GRIN3B: variants seen among roughly 807,000 people sequenced by gnomAD.
GRIN3B encodes glutamate ionotropic receptor NMDA type subunit 3B.
GRIN3B carries 77 observed loss-of-function variants against 66.0 expected under a neutral mutation model. The ratio of observed to expected loss-of-function variants is 1.17; its 90% CI spans 0.97 to 1.41. GRIN3B has a LOEUF of 1.41. Ranked by LOEUF, GRIN3B falls within the 40% of genes most tolerant of loss-of-function variation. The pLI, the probability that GRIN3B is intolerant of heterozygous loss-of-function variation, is 0.00. For missense variants in GRIN3B, 1,787 were observed against 1,564.5 expected (o/e 1.14, Z -2.40); for synonymous variants, 823 against 749.7 (o/e 1.10, Z -1.60).
chr19:1,008,365 C>G, intron 6 of GRIN3B, 74 bp downstream of exon 6: 2 of 1,334,392 alleles, frequency 1.5e-6, no homozygotes, highest in Non-Finnish European at 2.1e-6. Flanking sequence ...CTGAAGTGAC[C>G]AACCCCAGTG....
In GRIN3B at chr19:1,009,159, G is replaced by A. The variant is rs1365688033; in HGVS notation, c.2703-14G>A. ...TGCCCCGGCGGACACTGACCAGGCC[G>A]GTTCCGTCCCCAGCGGCCCCGAGGT... On this transcript the variant is annotated splice_polypyrimidine_tract_variant and intron_variant, in intron 8 of 8. Coordinates refer to ENST00000234389, the MANE Select transcript of GRIN3B (RefSeq NM_138690.3). 1.4e-5 allele frequency: 20 copies of A among 1,456,064 alleles called. No homozygotes were observed. The South Asian group carries it at 2.3e-4, about 16-fold the overall frequency. 90.2% of individuals were successfully genotyped at this position (1,456,064 alleles called of 1,614,324 possible).
rs568295833 is a variant in GRIN3B at position 1,005,508 on chromosome 19, C to T, written c.2007C>T (p.Val669=). 35 of 1,612,590 alleles carry T rather than the reference C, an allele frequency of 2.2e-5. No homozygotes were observed. The highest frequency in any genetic ancestry group is 1.3e-4 in the South Asian group (12 of 91,008). The change falls in exon 3 of 9, where the codon GTC becomes GTT. Residue 669 remains valine (V), a synonymous_variant. Coordinates refer to ENST00000234389, the MANE Select transcript of GRIN3B (RefSeq NM_138690.3). This position sits in a 1 kb window ranked among gnomAD's most constrained non-coding sequence, Gnocchi z 5.2. ...CGGCCAACCTGGCTGCCGTCATGGT[C>T]GGGGACAAGACCTTCGAGGAGCTGT... The part of the protein sequence containing the change: ...SYTANLAAVM[V]GDKTFEELSG...
At chr19:1,006,723 C>T (rs2038752963) in intron 3 of GRIN3B, among the ~76,000 whole-genome samples, 1 of 152,176 alleles carries the variant, frequency 6.6e-6, no homozygotes, top group Admixed American at 6.5e-5. Flanking sequence ...CCTGGTGTCC[C>T]CTGTGAAACG....
Position 1,008,795 on chromosome 19 carries a change from TGGGCGGCGGGC to T in GRIN3B, c.2631+16_2631+26del. 10 of 1,596,308 alleles carry T rather than the reference TGGGCGGCGGGC, an allele frequency of 6.3e-6. 1 individual carries two copies. Among genetic ancestry groups the T allele is most frequent in the Non-Finnish European group, 8.5e-6 (10 of 1,172,466 alleles). On this transcript the variant is annotated intron_variant, in intron 7 of 8. Coordinates refer to ENST00000234389, the MANE Select transcript of GRIN3B (RefSeq NM_138690.3). ...GCACACCAGCCAGGTGGGGAGCGGG[TGGGCGGCGGGC>T]GGCCCCACCCCCCCCGCCTCCTCGC...
intron 1 of GRIN3B, 37 bp from the exon 2 acceptor site, chr19:1,003,093 A>C: frequency 5.2e-6 from 7 of 1,349,526 alleles, no homozygotes; most frequent in Non-Finnish European, 5.8e-6. Flanking sequence ...GTGGGGGTGG[A>C]GGTCGTCAAC....
rs1393786113 is a variant in GRIN3B at position 1,007,574 on chromosome 19, A to G, written c.2053-54A>G. 4 of 1,398,878 alleles carry G rather than the reference A, an allele frequency of 2.9e-6. No homozygotes were observed. In the African/African-American group the frequency reaches 4.5e-5, roughly 16 times the overall value. 86.7% of individuals were successfully genotyped at this position (1,398,878 alleles called of 1,614,324 possible). On this transcript the variant is annotated intron_variant, in intron 3 of 8. Coordinates refer to ENST00000234389, the MANE Select transcript of GRIN3B (RefSeq NM_138690.3). This position sits in a 1 kb window ranked among gnomAD's most constrained non-coding sequence, Gnocchi z 4.4. ...ACCCCGGAGAACGGCGCGCCCCTCAATGGTCAGGGGTCCTGAGGGGCAGGC... is the reference window on the plus strand; with the variant it reads ...ACCCCGGAGAACGGCGCGCCCCTCAGTGGTCAGGGGTCCTGAGGGGCAGGC...
rs534364686 is a variant in GRIN3B at position 1,003,948 on chromosome 19, G to A, written c.1019+226G>A. On this transcript the variant is annotated intron_variant, in intron 2 of 8. Coordinates refer to ENST00000234389, the MANE Select transcript of GRIN3B (RefSeq NM_138690.3). ...CCAAAAAATAGAAAACATTAGCTGG[G>A]CGTGGTGACACGCACCTGTAGTTCC... 3.9e-5 allele frequency among the ~76,000 whole-genome samples: 6 copies of A among 152,354 alleles called. No individual in the cohort carries two copies. The South Asian group carries it at 1.2e-3, about 32-fold the overall frequency.
chr19:1,004,896 C>T lies in GRIN3B; in HGVS notation c.1395C>T (p.Asn465=), dbSNP rs774451027. Reference sequence around the variant, plus strand: ...ACGCACTGTTCGCCGCGCTGGCCAACGGCTCAGCGCCCCGTGCCCTGCGCA... The same window carrying T: ...ACGCACTGTTCGCCGCGCTGGCCAATGGCTCAGCGCCCCGTGCCCTGCGCA... The part of the protein sequence containing the change: ...TLDALFAALA[N]GSAPRALRKC... The change falls in exon 3 of 9, where the codon AAC becomes AAT. Residue 465 remains asparagine (N), a synonymous_variant. Coordinates refer to ENST00000234389, the MANE Select transcript of GRIN3B (RefSeq NM_138690.3). The T allele has an allele frequency of 1.9e-5, 30 of 1,598,300 alleles. No individual in the cohort carries two copies. The highest frequency in any genetic ancestry group is 3.4e-5 in the Admixed American group (2 of 58,754).
intron 3 of GRIN3B, among the ~76,000 whole-genome samples, chr19:1,006,731 A>G (rs2145539036): frequency 6.6e-6 from 1 of 152,204 alleles, no homozygotes; most frequent in Non-Finnish European, 1.5e-5. Context: ...CCCCTGTGAA[A>G]CGGTAGTAAA....
In GRIN3B at chr19:1,004,753, C is replaced by A. The variant is rs770812032; in HGVS notation, c.1252C>A (p.Arg418Ser). 3.7e-6 allele frequency: 6 copies of A among 1,610,980 alleles called. No individual in the cohort carries two copies. The highest frequency in any genetic ancestry group is 1.6e-4 in the Middle Eastern group (1 of 6,082). The change falls in exon 3 of 9, where the codon CGT (arginine) becomes AGT (serine). Residue 418 changes from arginine to serine, a missense_variant. Physicochemically the swap from Arg to Ser is moderately radical, Grantham distance 110 (BLOSUM62 -1). Coordinates refer to ENST00000234389, the MANE Select transcript of GRIN3B (RefSeq NM_138690.3). ...GGGTGCCCAGGTCTGGCCCAAGCTG[C>A]GTGTGGTAACGCTGTTGGAACACCC... ...PQGAQVWPKLRVVTLLEHPFV... is the reference protein window; with the variant it reads ...PQGAQVWPKLSVVTLLEHPFV...
rs199819972 is a variant in GRIN3B, at chr19:1,003,350, G to A, written c.647G>A (p.Arg216Gln). Residue 216 changes from arginine to glutamine, a missense_variant, in exon 2 of 9, where the codon CGG (arginine) becomes CAG (glutamine). By Grantham distance (43) the Arg-to-Gln change is conservative (BLOSUM62 1). Coordinates refer to ENST00000234389, the MANE Select transcript of GRIN3B (RefSeq NM_138690.3). ...CGGGACACGGGAGATGCAGGACTGC[G>A]GGCACGCCTGGCCCCGATGGCGGCG... ...SRRDTGDAGLRARLAPMAAPV... is the reference protein window; with the variant it reads ...SRRDTGDAGLQARLAPMAAPV... 3.9e-5 allele frequency: 62 copies of A among 1,578,272 alleles called. No homozygotes were observed. Among genetic ancestry groups the A allele is most frequent in the Admixed American group, 1.6e-4 (9 of 55,408 alleles).
chr19:1,009,077 C>T (rs2038803451), intron 8 of GRIN3B, 96 bp from the exon 9 acceptor site: 3 of 1,447,710 alleles, frequency 2.1e-6, no homozygotes, highest in Non-Finnish European at 9.1e-7. Context: ...CTGGTTGTGC[C>T]TGTCGGCCAT....
chr19:1,009,190 AG>A lies in GRIN3B; in HGVS notation c.2721del (p.Gln907HisfsTer178), dbSNP rs2038807149. On this transcript the variant is annotated frameshift_variant, in exon 9 of 9. Transcript: ENST00000234389. LOFTEE classifies it low-confidence loss of function (END_TRUNC). ...EAEPSGPEVE[Q>X]QQQQQDQPTA... is the part of the protein sequence containing the mutation. ...GTCCCCAGCGGCCCCGAGGTGGAGCAGCAGCAGCAGCAGCAGGACCAGCCAA... is the reference window on the plus strand; with the variant it reads ...GTCCCCAGCGGCCCCGAGGTGGAGCACAGCAGCAGCAGCAGGACCAGCCAA... 3 of 1,404,802 alleles carry A rather than the reference AG, an allele frequency of 2.1e-6. No homozygotes were observed. The highest frequency in any genetic ancestry group is 2.8e-6 in the Non-Finnish European group (3 of 1,078,908). The allele number at this position is 1,404,802 out of a possible 1,614,324, so 87.0% of individuals were successfully genotyped here. A position where few individuals can be genotyped will look rare whatever the true frequency, so the allele number is the denominator to read the frequency against.
chr19:1,008,980 C>T, intron 8 of GRIN3B, 53 bp downstream of exon 8: 1 of 1,550,514 alleles, frequency 6.4e-7, no homozygotes, highest in South Asian at 1.2e-5. Context: ...ACCCACCACC[C>T]CACCAGCTCG....
rs966243402 is a variant in GRIN3B, at chr19:1,007,284, G to C, written c.2053-344G>C. Among the ~76,000 whole-genome samples the C allele has an allele frequency of 6.6e-6, 1 of 151,952 alleles. No homozygotes were observed. The highest frequency in any genetic ancestry group is 2.4e-5 in the African/African-American group (1 of 41,360). On this transcript the variant is annotated intron_variant, in intron 3 of 8. Transcript: ENST00000234389. The surrounding 1 kb of genome is among the most constrained non-coding windows in gnomAD (Gnocchi z 4.4). ...GGGGTCATGGACATGTTAGAGTGGG[G>C]CTCCCGTGGGACCCCCAGGGGAGAG...
In GRIN3B at chr19:1,000,419, C is replaced by G; in HGVS notation, c.-19C>G. On this transcript the variant is annotated 5_prime_UTR_variant, in exon 1 of 9. Transcript: ENST00000234389. ...CCCGGTGGTTGCGCCCCGTGGCGAG[C>G]GACGCCGACAACTTTGCGATGGAGT... is the stretch of plus-strand genomic sequence containing the variant. The G allele has an allele frequency of 8.3e-7, 1 of 1,211,474 alleles. No individual in the cohort carries two copies. Among genetic ancestry groups the G allele is most frequent in the Non-Finnish European group, 1.0e-6 (1 of 973,112 alleles). The allele number at this position is 1,211,474 out of a possible 1,614,324, so 75.0% of individuals were successfully genotyped here.
In GRIN3B at chr19:1,003,465, C is replaced by G; in HGVS notation, c.762C>G (p.Pro254=). 1.3e-6 allele frequency: 2 copies of G among 1,538,326 alleles called. No individual in the cohort carries two copies. Among genetic ancestry groups the G allele is most frequent in the Non-Finnish European group, 1.7e-6 (2 of 1,147,126 alleles). The stretch of plus-strand genomic sequence containing the variant: ...GTCGGGTGCTGGAGGCCGTACCTCC[C>G]GGCCCCCACTGGCTGTTGGGGACAC... ...RARRVLEAVP[P]GPHWLLGTPL... is the part of the protein sequence containing the mutation. Residue 254 remains proline, a synonymous_variant, in exon 2 of 9, where the codon CCC becomes CCG. Coordinates refer to ENST00000234389, the MANE Select transcript of GRIN3B (RefSeq NM_138690.3).
chr19:1,007,777 A>G lies in GRIN3B; in HGVS notation c.2198+4A>G. The G allele has an allele frequency of 6.6e-7, 1 of 1,513,680 alleles. No individual in the cohort carries two copies. The highest frequency in any genetic ancestry group is 8.8e-7 in the Non-Finnish European group (1 of 1,131,726). 93.8% of individuals were successfully genotyped at this position (1,513,680 alleles called of 1,614,324 possible). On this transcript the variant is annotated splice_donor_region_variant and intron_variant, in intron 4 of 8. Transcript: ENST00000234389. This position sits in a 1 kb window ranked among gnomAD's most constrained non-coding sequence, Gnocchi z 4.4. Reference sequence around the variant, plus strand: ...CCCGCGGCGTCGCCATGCTCACGTGAGCCCGGGCGCGGGGTGAGGCGGGGG... The same window carrying G: ...CCCGCGGCGTCGCCATGCTCACGTGGGCCCGGGCGCGGGGTGAGGCGGGGG...
In GRIN3B at chr19:1,005,526, G is replaced by A. The variant is rs765104635; in HGVS notation, c.2025G>A (p.Glu675=). The change falls in exon 3 of 9, where the codon GAG becomes GAA. Residue 675 remains glutamate, a synonymous_variant. Coordinates refer to ENST00000234389, the MANE Select transcript of GRIN3B (RefSeq NM_138690.3). The surrounding 1 kb of genome is among the most constrained non-coding windows in gnomAD (Gnocchi z 5.2). ...AAVMVGDKTF[E]ELSGIHDPKL... ...TCATGGTCGGGGACAAGACCTTCGA[G>A]GAGCTGTCGGGGATCCACGACCCCA... The A allele has an allele frequency of 7.5e-6, 12 of 1,608,932 alleles. No homozygotes were observed. The Admixed American group carries it at 1.7e-4, about 22-fold the overall frequency.
Sources: allele counts gnomAD v4.1 joint callset (sites outside exome capture counted in the v4.1 genomes callset), GRCh38; gene constraint gnomAD v4.1.1; non-coding constraint Gnocchi (gnomAD v3.1); transcripts MANE v1.5; gene names NCBI Gene and HGNC (gene_info 2026-07-23, HGNC 2026-07-21).